Variants in CAMTA1 observed in about 807,000 individuals in gnomAD.
CAMTA1 encodes calmodulin binding transcription activator 1, also known as calmodulin-binding transcription activator 1.
CAMTA1 carries 27 observed loss-of-function variants against 170.9 expected under a neutral mutation model. That is an observed-to-expected ratio of 0.16 (90% confidence interval 0.12 to 0.22). CAMTA1 has a LOEUF of 0.22. Ranked by LOEUF, CAMTA1 falls within the 10% of genes least tolerant of loss-of-function variation. CAMTA1 has a pLI of 1.00. For missense variants in CAMTA1, 1,619 were observed against 2,217.2 expected (o/e 0.73, Z 5.42); for synonymous variants, 833 against 891.5 (o/e 0.93, Z 1.17).
rs1274637744 is a variant in CAMTA1, at chr1:7,195,413, T to G, written c.303-54078T>G. On this transcript the variant is annotated intron_variant, in intron 4 of 22. Coordinates refer to ENST00000303635, the MANE Select transcript of CAMTA1 (RefSeq NM_015215.4). The surrounding 1 kb of genome is among the most constrained non-coding windows in gnomAD (Gnocchi z 4.1). ...AAGCACATTCAGTGCTGAGCTTCCC[T>G]GGGCTTGGTGGCCGAGTGGAGTGAG... Among the ~76,000 whole-genome samples the G allele has an allele frequency of 6.6e-6, 1 of 152,180 alleles. No homozygotes were observed. Among genetic ancestry groups the G allele is most frequent in the Non-Finnish European group, 1.5e-5 (1 of 68,018 alleles).
intron 6 of CAMTA1, among the ~76,000 whole-genome samples, chr1:7,555,254 G>A (rs753848344): frequency 1.3e-5 from 2 of 152,246 alleles, no homozygotes; most frequent in East Asian, 1.9e-4. Flanking sequence ...AGAAAGCTCC[G>A]CGAAAAGGAA....
chr1:7,643,460 G>C (rs80246481), intron 7 of CAMTA1, among the ~76,000 whole-genome samples: 1 of 152,150 alleles, frequency 6.6e-6, no homozygotes, highest in Non-Finnish European at 1.5e-5. Flanking sequence ...AATTCTTCTC[G>C]ACACACACAG....
chr1:7,653,494 C>T (rs945966578), intron 7 of CAMTA1, among the ~76,000 whole-genome samples: 1 of 152,180 alleles, frequency 6.6e-6, no homozygotes, highest in African/African-American at 2.4e-5. Flanking sequence ...AACTCCTGGG[C>T]TCAAGTGATC....
At chr1:7,111,899 A>ATT (rs1644072761) in intron 4 of CAMTA1, among the ~76,000 whole-genome samples, 2 of 150,998 alleles carry the variant, frequency 1.3e-5, no homozygotes, top group Admixed American at 6.6e-5. Context: ...AAAAAAAAAA[A>ATT]AAAAAAAAAA....
intron 5 of CAMTA1, among the ~76,000 whole-genome samples, chr1:7,459,468 G>T (rs1410360963): frequency 6.6e-6 from 1 of 152,188 alleles, no homozygotes; most frequent in Non-Finnish European, 1.5e-5. Context: ...GCTCTGGAAA[G>T]TGCTGGAAGG....
intron 3 of CAMTA1, among the ~76,000 whole-genome samples, chr1:7,069,740 C>T (rs182756301): frequency 6.6e-6 from 1 of 152,152 alleles, no homozygotes; most frequent in East Asian, 1.9e-4. Context: ...GTAGCGAGGG[C>T]TTGTGTGTGG....
chr1:7,052,821 C>T (rs1706629421), intron 3 of CAMTA1, among the ~76,000 whole-genome samples: 1 of 152,186 alleles, frequency 6.6e-6, no homozygotes. Context: ...TCCCTCGACC[C>T]TCCTCCGTGC....
chr1:7,454,333 C>G (rs187563578), intron 5 of CAMTA1, among the ~76,000 whole-genome samples: 1 of 152,168 alleles, frequency 6.6e-6, no homozygotes, highest in Non-Finnish European at 1.5e-5. Flanking sequence ...CAGAGTGCCC[C>G]GTGTCTGGGG....
rs1483492568 is a variant in CAMTA1, at chr1:7,673,801, T to C, written c.2779+2764T>C. On this transcript the variant is annotated intron_variant, in intron 10 of 22. Transcript: ENST00000303635. This position sits in a 1 kb window ranked among gnomAD's most constrained non-coding sequence, Gnocchi z 4.6. The stretch of plus-strand genomic sequence containing the variant: ...AGCACTGGATGTATTAATTCATTCA[T>C]TCATTTCTTCATTTGCCAAATAACT... Among the ~76,000 whole-genome samples the C allele has an allele frequency of 6.6e-6, 1 of 152,218 alleles. No individual in the cohort carries two copies. The highest frequency in any genetic ancestry group is 1.5e-5 in the Non-Finnish European group (1 of 68,034).
intron 5 of CAMTA1, among the ~76,000 whole-genome samples, chr1:7,411,589 T>G (rs1487825485): frequency 6.6e-6 from 1 of 150,972 alleles, no homozygotes; most frequent in Non-Finnish European, 1.5e-5. Context: ...ACTTTCTTTT[T>G]TTTTAAGCCA....
intron 3 of CAMTA1, among the ~76,000 whole-genome samples, chr1:7,036,385 G>A (rs529842702): frequency 3.3e-5 from 5 of 152,246 alleles, no homozygotes; most frequent in Admixed American, 1.3e-4. Flanking sequence ...ACTAGTTGGC[G>A]AGCCCACCAC....
intron 11 of CAMTA1, among the ~76,000 whole-genome samples, chr1:7,717,361 T>C (rs2096618280): frequency 6.6e-6 from 1 of 152,204 alleles, no homozygotes; most frequent in South Asian, 2.1e-4. Flanking sequence ...AGTACATTTG[T>C]TAATTAGCTA....
rs1400414875 is a variant in CAMTA1, at chr1:7,146,916, ACACT to A, written c.302+55548_302+55551del. ...TGCCGTGCATACACATACACATCAC[ACACT>A]CAAATATACACCATGTTCACACACA... On this transcript the variant is annotated intron_variant, in intron 4 of 22. Transcript: ENST00000303635. The surrounding 1 kb of genome is among the most constrained non-coding windows in gnomAD (Gnocchi z 4.3). 1.3e-5 allele frequency among the ~76,000 whole-genome samples: 2 copies of A among 151,742 alleles called. No homozygotes were observed. The highest frequency in any genetic ancestry group is 1.3e-4 in the Admixed American group (2 of 15,220).
rs544427431 is a variant in CAMTA1, at chr1:6,982,718, A to G, written c.235-108586A>G. ...TTTAAGCTCCTCAGTGCTGCCTAGGACCCCCTCCTGGCTGCCTCCCCCTTC... is the reference window on the plus strand; with the variant it reads ...TTTAAGCTCCTCAGTGCTGCCTAGGGCCCCCTCCTGGCTGCCTCCCCCTTC... On this transcript the variant is annotated intron_variant, in intron 3 of 22. Transcript: ENST00000303635. Among the ~76,000 whole-genome samples the G allele has an allele frequency of 7.0e-5, 10 of 143,050 alleles. No individual in the cohort carries two copies. In the East Asian group the frequency reaches 2.1e-3, roughly 30 times the overall value. 93.8% of individuals were successfully genotyped at this position (143,050 alleles called of 152,430 possible).
Position 7,286,568 on chromosome 1 carries a change from C to T in CAMTA1, c.438+36942C>T, listed in dbSNP as rs1672379011. ...TGTGGCTGACGTTAATGCACAGAATCATTGTAGTATCAATGCAGGATTTTG... is the reference window on the plus strand; with the variant it reads ...TGTGGCTGACGTTAATGCACAGAATTATTGTAGTATCAATGCAGGATTTTG... On this transcript the variant is annotated intron_variant, in intron 5 of 22. Transcript: ENST00000303635. This position sits in a 1 kb window ranked among gnomAD's most constrained non-coding sequence, Gnocchi z 4.2. Among the ~76,000 whole-genome samples the T allele has an allele frequency of 6.6e-6, 1 of 152,170 alleles. No homozygotes were observed. The highest frequency in any genetic ancestry group is 1.5e-5 in the Non-Finnish European group (1 of 68,038).
chr1:6,804,781 C>T (rs1278244643), intron 1 of CAMTA1, among the ~76,000 whole-genome samples: 1 of 152,114 alleles, frequency 6.6e-6, no homozygotes, highest in Non-Finnish European at 1.5e-5. Context: ...GTCTTGAACT[C>T]CTGGGCTCAA....
At chr1:7,270,092 A>G (rs1240946425) in intron 5 of CAMTA1, among the ~76,000 whole-genome samples, 1 of 151,972 alleles carries the variant, frequency 6.6e-6, no homozygotes, top group Non-Finnish European at 1.5e-5. Context: ...ATATTCTTCA[A>G]GAGTGAAGGT....
At chr1:7,459,463 G>A (rs943671306) in intron 5 of CAMTA1, among the ~76,000 whole-genome samples, 11 of 152,166 alleles carry the variant, frequency 7.2e-5, no homozygotes, top group Non-Finnish European at 8.8e-5. Flanking sequence ...AGGGAGCTCT[G>A]GAAAGTGCTG....
intron 11 of CAMTA1, among the ~76,000 whole-genome samples, chr1:7,684,860 C>A (rs888597098): frequency 1.1e-4 from 17 of 152,148 alleles, no homozygotes; most frequent in Non-Finnish European, 2.2e-4. Flanking sequence ...TCCCAGCCGT[C>A]AGGCCTCACT....
Sources: allele counts gnomAD v4.1 joint callset (sites outside exome capture counted in the v4.1 genomes callset), GRCh38; gene constraint gnomAD v4.1.1; non-coding constraint Gnocchi (gnomAD v3.1); transcripts MANE v1.5; gene names NCBI Gene and HGNC (gene_info 2026-07-23, HGNC 2026-07-21).